NARF: variants seen among roughly 807,000 people sequenced by gnomAD.
The protein encoded by NARF is iron-only hydrogenase-like protein 2.
In NARF, 41 loss-of-function variants were observed where a neutral mutation model predicts 48.0. The observed-to-expected ratio is 0.85, with a 90% confidence interval of 0.66 to 1.11. The LOEUF is 1.11. NARF is among the 50% of genes least tolerant of loss of function. NARF has a pLI of 0.00. For synonymous variants in NARF, 215 were observed against 225.5 expected, an observed-to-expected ratio of 0.95 and a Z score of 0.42; for missense variants, 613 against 590.2, an observed-to-expected ratio of 1.04 and a Z score of -0.40.
At chr17:82,484,721 G>A in intron 8 of NARF, 92 bp from the exon 9 acceptor site, 1 of 1,448,192 alleles carries the variant, frequency 6.9e-7, no homozygotes, top group Non-Finnish European at 9.2e-7. Flanking sequence ...TGGCGAACTT[G>A]GATTGTGATG....
In NARF at chr17:82,459,040, C is replaced by A. The variant is rs1018802506; in HGVS notation, c.27+210C>A. 10 of 1,206,894 alleles carry A rather than the reference C, an allele frequency of 8.3e-6. No individual in the cohort carries two copies. In the Admixed American group the frequency reaches 3.9e-4, roughly 48 times the overall value. The allele number at this position is 1,206,894 out of a possible 1,614,324, so 74.8% of individuals were successfully genotyped here. On this transcript the variant is annotated intron_variant, in intron 1 of 10. Transcript: ENST00000309794. Reference sequence around the variant, plus strand: ...GGCGGGTTCGGTCTTCGCGGTTCTCCCTGAACTTGTCCATCTTTCCCACGC... The same window carrying A: ...GGCGGGTTCGGTCTTCGCGGTTCTCACTGAACTTGTCCATCTTTCCCACGC...
intron 5 of NARF, among the ~76,000 whole-genome samples, chr17:82,477,328 A>T (rs1206489036): frequency 6.6e-6 from 1 of 151,320 alleles, no homozygotes; most frequent in Non-Finnish European, 1.5e-5. Flanking sequence ...ACATGGTGAA[A>T]CCCTGTCTCT....
intron 3 of NARF, 46 bp downstream of exon 3, chr17:82,464,476 G>GGAAGTGGA: frequency 6.4e-7 from 1 of 1,573,668 alleles, no homozygotes; most frequent in South Asian, 1.2e-5. Context: ...CTGACCTGGA[G>GGAAGTGGA]GAAGTGGAGG....
At chr17:82,458,915 C>T (rs942680218) in intron 1 of NARF, 85 bp downstream of exon 1, 3 of 1,281,360 alleles carry the variant, frequency 2.3e-6, no homozygotes, top group East Asian at 6.1e-5. Flanking sequence ...CCGGGCCCGC[C>T]GCTCGCTCGC....
chr17:82,487,962 G>C lies in NARF; in HGVS notation c.1176G>C (p.Ala392=). 6.2e-7 allele frequency: 1 copy of C among 1,614,212 alleles called. No individual in the cohort carries two copies. Among genetic ancestry groups the C allele is most frequent in the East Asian group, 2.2e-5 (1 of 44,886 alleles). ...RGQAQTPDGH[A]DKALLRQMEG... ...AAGCCCAGACTCCAGACGGACATGC[G>C]GATAAGGCCCTGCTGCGGCAGATGG... Residue 392 remains alanine, a synonymous_variant, in exon 11 of 11, where the codon GCG becomes GCC. Transcript: ENST00000309794.
chr17:82,458,475 G>A (rs181022176), upstream of NARF: 1,591 of 315,530 alleles, frequency 5.0e-3, 28 homozygotes, highest in African/African-American at 0.031. Flanking sequence ...ACGAGAAGCG[G>A]AAACCGGCGC....
chr17:82,481,226 G>C lies in NARF; in HGVS notation c.769+15G>C. On this transcript the variant is annotated intron_variant, in intron 7 of 10. Transcript: ENST00000309794. ...GTTAACATCAGGTGAGAGGTGGGCG[G>C]GGGTGCACCTGGGCGCTGGGGTAAT... 1 of 1,613,250 alleles carries C rather than the reference G, an allele frequency of 6.2e-7. No homozygotes were observed. Among genetic ancestry groups the C allele is most frequent in the Non-Finnish European group, 8.5e-7 (1 of 1,179,942 alleles).
At chr17:82,464,788 T>G (rs1567929713) in intron 3 of NARF, among the ~76,000 whole-genome samples, 1 of 152,164 alleles carries the variant, frequency 6.6e-6, no homozygotes, top group Non-Finnish European at 1.5e-5. Context: ...CTGCACGTTT[T>G]CGGACACGAG....
intron 4 of NARF, 58 bp downstream of exon 4, chr17:82,468,954 T>G: frequency 3.8e-6 from 6 of 1,594,250 alleles, no homozygotes; most frequent in Non-Finnish European, 5.1e-6. Flanking sequence ...GCGCCCTTTT[T>G]AATCTCTAAA....
At chr17:82,470,501 T>C (rs1297207941) in intron 4 of NARF, among the ~76,000 whole-genome samples, 1 of 152,136 alleles carries the variant, frequency 6.6e-6, no homozygotes, top group Non-Finnish European at 1.5e-5. Context: ...TATTTCTTTT[T>C]TTGTTGTTCT....
rs12103489 is a variant in NARF, at chr17:82,485,238, A to G, written c.972-259A>G. ...AGATCGAGACCATCCTGGCTAACAC[A>G]GTGAAACCCTATCTCTACTAAAAAT... On this transcript the variant is annotated intron_variant, in intron 9 of 10. Coordinates refer to ENST00000309794, the MANE Select transcript of NARF (RefSeq NM_012336.4). Among the ~76,000 whole-genome samples, 5,606 of 152,122 alleles carry G rather than the reference A, an allele frequency of 0.037. 131 individuals carry two copies. The highest frequency in any genetic ancestry group is 0.072 in the South Asian group (349 of 4,820).
At chr17:82,463,917 A>C (rs1353837669) in intron 2 of NARF, 1 of 183,382 alleles carries the variant, frequency 5.5e-6, no homozygotes. Context: ...GAGCAGTCAG[A>C]GGGCTGGATC....
At chr17:82,468,625 T>C (rs1478430936) in intron 3 of NARF, 139 bp from the exon 4 acceptor site, 1 of 779,032 alleles carries the variant, frequency 1.3e-6, no homozygotes, top group East Asian at 2.8e-5. Flanking sequence ...TTCTTAATTA[T>C]GTTTGCCAGT....
intron 4 of NARF, among the ~76,000 whole-genome samples, chr17:82,470,072 A>G (rs571118975): frequency 1.3e-5 from 2 of 152,222 alleles, no homozygotes; most frequent in African/African-American, 4.8e-5. Context: ...TCTCTGCTAA[A>G]TAAGTACATA....
chr17:82,475,389 A>G (rs944436785), intron 5 of NARF, among the ~76,000 whole-genome samples: 3 of 152,294 alleles, frequency 2.0e-5, no homozygotes, highest in African/African-American at 4.8e-5. Flanking sequence ...TCACAAGGTC[A>G]GGAGATTGAG....
chr17:82,483,734 T>C lies in NARF; in HGVS notation c.788T>C (p.Met263Thr), dbSNP rs1358907641. The change falls in exon 8 of 11, where the codon ATG becomes ACG. Residue 263 changes from methionine (M) to threonine (T), a missense_variant. Met to Thr is a moderately conservative substitution (Grantham distance 81). Coordinates refer to ENST00000309794, the MANE Select transcript of NARF (RefSeq NM_012336.4). ...VLTSGEIAQI[M>T]EQGDLSVRDA... ...TCTGCAGGTGAAATTGCTCAAATAA[T>C]GGAGCAAGGTGACCTCTCAGTGAGA... 2 of 1,613,834 alleles carry C rather than the reference T, an allele frequency of 1.2e-6. No individual in the cohort carries two copies. The highest frequency in any genetic ancestry group is 1.7e-6 in the Non-Finnish European group (2 of 1,179,994).
At chr17:82,464,086 C>T (rs2043502508) in intron 2 of NARF, 1 of 576,766 alleles carries the variant, frequency 1.7e-6, no homozygotes, top group Non-Finnish European at 3.0e-6. Flanking sequence ...TGGGCTGGGC[C>T]CTGTGTCCTG....
intron 5 of NARF, among the ~76,000 whole-genome samples, chr17:82,476,086 C>T (rs1447635932): frequency 1.3e-5 from 2 of 151,638 alleles, no homozygotes; most frequent in African/African-American, 4.8e-5. Flanking sequence ...TGGCCCACTG[C>T]AACCTCCATC....
intron 5 of NARF, chr17:82,478,466 C>A (rs1011158592): frequency 2.5e-6 from 1 of 405,608 alleles, no homozygotes; most frequent in African/African-American, 2.0e-5. Flanking sequence ...CGATTTTGCA[C>A]GGTGCAGCCT....
Sources: gnomAD v4.1 joint callset for allele counts (sites outside exome capture counted in the v4.1 genomes callset) on GRCh38, gnomAD v4.1.1 for gene constraint, MANE v1.5 for transcripts, NCBI Gene and HGNC (gene_info 2026-07-23, HGNC 2026-07-21) for gene names.